Variants in MTA3 observed in about 807,000 individuals in gnomAD.
MTA3 encodes metastasis associated 1 family member 3.
Under a neutral mutation model 83.5 loss-of-function variants are expected in MTA3, and 34 were observed. The ratio of observed to expected loss-of-function variants is 0.41; its 90% CI spans 0.31 to 0.54. The LOEUF is 0.54. Ranked by LOEUF, MTA3 falls within the 20% of genes least tolerant of loss-of-function variation. MTA3 has a pLI of 0.33. For synonymous variants in MTA3, 303 were observed against 252.7 expected, an observed-to-expected ratio of 1.20 and a Z score of -1.89; for missense variants, 761 against 726.4, an observed-to-expected ratio of 1.05 and a Z score of -0.55.
chr2:42,535,278 T>C (rs984227771), intron 2 of MTA3, among the ~76,000 whole-genome samples: 1 of 151,946 alleles, frequency 6.6e-6, no homozygotes, highest in African/African-American at 2.4e-5. Flanking sequence ...TCCCAGCTAC[T>C]CGGGAGGCTG....
intron 3 of MTA3, among the ~76,000 whole-genome samples, chr2:42,592,295 C>A (rs1280698906): frequency 6.6e-6 from 1 of 151,266 alleles, no homozygotes; most frequent in Non-Finnish European, 1.5e-5. Context: ...AAAACCAATT[C>A]ATTTATGGCT....
intron 3 of MTA3, among the ~76,000 whole-genome samples, chr2:42,607,865 C>G (rs1368433242): frequency 6.6e-6 from 1 of 152,114 alleles, no homozygotes. Context: ...GCAGGAGAAT[C>G]ACTTGAACCC....
At chr2:42,582,358 C>G (rs1010099714) in intron 3 of MTA3, among the ~76,000 whole-genome samples, 7 of 152,200 alleles carry the variant, frequency 4.6e-5, no homozygotes, top group Non-Finnish European at 8.8e-5. Context: ...GCGCCCAGCC[C>G]GAGATATTTT....
intron 8 of MTA3, among the ~76,000 whole-genome samples, chr2:42,661,982 G>A (rs1019137009): frequency 6.6e-6 from 1 of 152,062 alleles, no homozygotes; most frequent in African/African-American, 2.4e-5. Context: ...TATGTAGTCT[G>A]TGTTTTTATA....
At chr2:42,516,024 C>T (rs2103680737) in intron 2 of MTA3, among the ~76,000 whole-genome samples, 1 of 151,604 alleles carries the variant, frequency 6.6e-6, no homozygotes, top group Admixed American at 6.6e-5. Flanking sequence ...ATATTTTTCT[C>T]CTGCCTCAGC....
rs35686153 is a variant in MTA3, at chr2:42,553,423, C to CAAA, written c.-140-17001_-140-16999dup. Among the ~76,000 whole-genome samples the CAAA allele has an allele frequency of 1.6e-3, 196 of 122,578 alleles. 6 individuals carry two copies. Among genetic ancestry groups the CAAA allele is most frequent in the African/African-American group, 5.8e-3 (183 of 31,708 alleles). 80.4% of individuals were successfully genotyped at this position (122,578 alleles called of 152,430 possible). On this transcript the variant is annotated intron_variant, in intron 2 of 17. Transcript: ENST00000405592. ...TGGGCGAGAGAGCGAGACTCCATCTCAAAAAAAAAAAAAAATTAGGCTGGG... is the reference window on the plus strand; with the variant it reads ...TGGGCGAGAGAGCGAGACTCCATCTCAAAAAAAAAAAAAAAAAATTAGGCTGGG...
rs572596305 is a variant in MTA3, at chr2:42,643,271, C to A, written c.382-856C>A. Among the ~76,000 whole-genome samples the A allele has an allele frequency of 2.2e-4, 33 of 152,158 alleles. No homozygotes were observed. In the South Asian group the frequency reaches 4.2e-3, roughly 19 times the overall value. ...CTTGGTAAAGTTCTGGTAGTAGGGA[C>A]AGGTCCTTCCAGGATATAATACAGA... On this transcript the variant is annotated intron_variant, in intron 5 of 16. Coordinates refer to ENST00000405094, the MANE Select transcript of MTA3 (RefSeq NM_001330442.2).
At chr2:42,733,117 C>T (rs181772003) in intron 16 of MTA3, among the ~76,000 whole-genome samples, 1 of 152,320 alleles carries the variant, frequency 6.6e-6, no homozygotes. Context: ...CAACACCCCA[C>T]TCTGCTGGTA....
At chr2:42,640,133 T>A (rs1687576541) in intron 4 of MTA3, 40 bp from the exon 5 acceptor site, 1 of 1,439,968 alleles carries the variant, frequency 6.9e-7, no homozygotes, top group African/African-American at 1.4e-5. Context: ...GAAGGTGAGG[T>A]GGCCTTTGTT....
At chr2:42,647,066 G>C (rs1324093483) in intron 6 of MTA3, among the ~76,000 whole-genome samples, 3 of 146,030 alleles carry the variant, frequency 2.1e-5, no homozygotes, top group Non-Finnish European at 4.5e-5. Flanking sequence ...TGAGGCAGGA[G>C]AATGGCGTGG....
intron 3 of MTA3, 143 bp downstream of exon 3, chr2:42,579,343 A>G: frequency 1.7e-6 from 1 of 595,864 alleles, no homozygotes. Context: ...AATAAGTGAT[A>G]CTAACTGAAA....
chr2:42,662,549 A>T (rs1040444864), intron 8 of MTA3, among the ~76,000 whole-genome samples: 1 of 151,532 alleles, frequency 6.6e-6, no homozygotes, highest in African/African-American at 2.4e-5. Context: ...AGGTTCCTAG[A>T]TATACTTAGG....
At chr2:42,495,634 CTG>C (rs1674095431) in intron 2 of MTA3, among the ~76,000 whole-genome samples, 1 of 152,066 alleles carries the variant, frequency 6.6e-6, no homozygotes, top group Non-Finnish European at 1.5e-5. Context: ...GGTTTAAAGT[CTG>C]TGAAGAAGTA....
upstream of MTA3, among the ~76,000 whole-genome samples, chr2:42,563,776 ATTCCTTCC>A (rs374517534): frequency 0.048 from 5,533 of 114,390 alleles, 161 homozygotes; most frequent in East Asian, 0.082. Flanking sequence ...TGGACCAAAC[ATTCCTTCC>A]TTCCTTCCTT....
At chr2:42,690,386 G>A (rs1265352256) in intron 9 of MTA3, among the ~76,000 whole-genome samples, 1 of 152,036 alleles carries the variant, frequency 6.6e-6, no homozygotes, top group Non-Finnish European at 1.5e-5. Flanking sequence ...AGTTTCTGAT[G>A]AGAAGTTCCT....
intron 3 of MTA3, among the ~76,000 whole-genome samples, chr2:42,581,044 A>G (rs962540564): frequency 6.6e-6 from 1 of 152,186 alleles, no homozygotes; most frequent in Admixed American, 6.5e-5. Context: ...TAGCCAGGCA[A>G]GTTAGTTGTC....
chr2:42,675,333 ACT>A (rs1313234058), intron 8 of MTA3, among the ~76,000 whole-genome samples: 1 of 151,732 alleles, frequency 6.6e-6, no homozygotes, highest in East Asian at 1.9e-4. Flanking sequence ...ATGGGCTTTC[ACT>A]CTGTTGGCCA....
At chr2:42,569,569 A>T (rs954615996) in intron 1 of MTA3, 1 of 152,152 alleles carries the variant, frequency 6.6e-6, no homozygotes, top group Non-Finnish European at 1.5e-5. Flanking sequence ...CTTCTGATGG[A>T]TGGTGGTGGG....
intron 2 of MTA3, among the ~76,000 whole-genome samples, chr2:42,560,828 A>G (rs1020402405): frequency 2.0e-5 from 3 of 152,058 alleles, no homozygotes; most frequent in African/African-American, 7.2e-5. Flanking sequence ...AATCATCTGA[A>G]CCTGGGAGGT....
Sources: allele counts gnomAD v4.1 joint callset (sites outside exome capture counted in the v4.1 genomes callset), GRCh38; gene constraint gnomAD v4.1.1; transcripts MANE v1.5; gene names NCBI Gene and HGNC (gene_info 2026-07-23, HGNC 2026-07-21).